The following TENM3 variants were observed in gnomAD, a reference collection of about 807,000 sequenced individuals.
TENM3 encodes the protein teneurin-3.
A neutral mutation model predicts 255.1 loss-of-function variants in TENM3; 63 were observed. That is an observed-to-expected ratio of 0.25 (90% CI 0.20 to 0.30). The LOEUF (loss-of-function observed/expected upper bound fraction) is 0.30, where lower values mean the gene tolerates loss of function less well. Among genes scored for constraint, TENM3 ranks in the 10% least tolerant of loss-of-function variants. The pLI is 1.00. For missense variants in TENM3, 2,929 were observed against 3,461.1 expected (o/e 0.85, Z 3.86); for synonymous variants, 1,306 against 1,322.3 (o/e 0.99, Z 0.27).
chr4:181,889,735 T>C, the TENM3 span, among the ~76,000 whole-genome samples: 18 of 152,312 alleles, frequency 1.2e-4, no homozygotes, highest in South Asian at 1.4e-3. Context: ...TATTTTCTGG[T>C]TGCATTTTGG....
the TENM3 span, among the ~76,000 whole-genome samples, chr4:181,821,283 AGTGCCGCT>A: frequency 5.3e-5 from 8 of 152,294 alleles, no homozygotes; most frequent in African/African-American, 1.9e-4. Flanking sequence ...GCATAGCTGA[AGTGCCGCT>A]TGCTCCAAAA....
the TENM3 span, among the ~76,000 whole-genome samples, chr4:182,093,859 G>T: frequency 6.6e-6 from 1 of 152,144 alleles, no homozygotes; most frequent in Non-Finnish European, 1.5e-5. Flanking sequence ...AACCATGAAA[G>T]ATTTCAATTT....
the TENM3 span, among the ~76,000 whole-genome samples, chr4:181,904,976 A>T: frequency 6.6e-6 from 1 of 152,146 alleles, no homozygotes; most frequent in African/African-American, 2.4e-5. Context: ...GCTGCCATCC[A>T]TGTAAGATGT....
intron 3 of TENM3, among the ~76,000 whole-genome samples, chr4:182,562,003 GA>G (rs1262862037): frequency 2.6e-5 from 4 of 151,574 alleles, no homozygotes; most frequent in Non-Finnish European, 5.9e-5. Flanking sequence ...TAGATAGATA[GA>G]TAGATAGATA....
the TENM3 span, among the ~76,000 whole-genome samples, chr4:181,799,279 G>A: frequency 6.6e-6 from 1 of 152,206 alleles, no homozygotes; most frequent in African/African-American, 2.4e-5. Context: ...AATACATGTT[G>A]CCATTTTCAG....
At chr4:181,980,922 A>C in the TENM3 span, among the ~76,000 whole-genome samples, 1 of 152,160 alleles carries the variant, frequency 6.6e-6, no homozygotes, top group African/African-American at 2.4e-5. Flanking sequence ...CTAATGGACT[A>C]AGCATTAGAT....
the TENM3 span, among the ~76,000 whole-genome samples, chr4:181,660,435 C>T: frequency 6.6e-6 from 1 of 151,996 alleles, no homozygotes; most frequent in Admixed American, 6.6e-5. Context: ...AAGCAATTAC[C>T]ACTGAGAGCT....
intron 14 of TENM3, among the ~76,000 whole-genome samples, chr4:182,729,574 G>A (rs1335448513): frequency 1.3e-5 from 2 of 152,068 alleles, no homozygotes; most frequent in African/African-American, 4.8e-5. Context: ...TGGAACTGCT[G>A]ACGGCATGGC....
At chr4:181,949,147 G>A in the TENM3 span, among the ~76,000 whole-genome samples, 8 of 152,058 alleles carry the variant, frequency 5.3e-5, no homozygotes, top group Non-Finnish European at 1.2e-4. Flanking sequence ...CATTTATGTG[G>A]CCATTAACCC....
chr4:182,241,857 G>T (rs892864424), upstream of TENM3, among the ~76,000 whole-genome samples: 1 of 151,752 alleles, frequency 6.6e-6, no homozygotes, highest in Non-Finnish European at 1.5e-5. Context: ...AGGCTTGACC[G>T]TTCTTTTAAA....
chr4:182,093,035 T>C, the TENM3 span, among the ~76,000 whole-genome samples: 1 of 152,128 alleles, frequency 6.6e-6, no homozygotes, highest in Non-Finnish European at 1.5e-5. Flanking sequence ...CTCACCCTGA[T>C]CTCTTAATGT....
At chr4:181,499,047 G>A in the TENM3 span, among the ~76,000 whole-genome samples, 21 of 152,190 alleles carry the variant, frequency 1.4e-4, no homozygotes, top group Non-Finnish European at 2.6e-4. Flanking sequence ...TGGTTTAACC[G>A]AATTCAGTTT....
intron 1 of TENM3, among the ~76,000 whole-genome samples, chr4:182,229,956 A>G (rs73871889): frequency 0.017 from 2,521 of 152,196 alleles, 71 homozygotes; most frequent in African/African-American, 0.055. Context: ...TATTTAAAGT[A>G]TGTGTATTCA....
At chr4:181,700,896 G>T in the TENM3 span, among the ~76,000 whole-genome samples, 48 of 152,108 alleles carry the variant, frequency 3.2e-4, no homozygotes, top group Non-Finnish European at 1.0e-4. Flanking sequence ...GATGAACTTC[G>T]ATTTCAATTT....
At chr4:182,463,472 C>CT (rs920859225) in intron 3 of TENM3, among the ~76,000 whole-genome samples, 181 of 145,248 alleles carry the variant, frequency 1.2e-3, no homozygotes, top group Middle Eastern at 3.6e-3. Flanking sequence ...TGTAGTATCA[C>CT]TTTTTTTTTT....
the TENM3 span, among the ~76,000 whole-genome samples, chr4:181,590,393 G>T: frequency 6.6e-6 from 1 of 152,144 alleles, no homozygotes; most frequent in Non-Finnish European, 1.5e-5. Context: ...ACTCCTGTCC[G>T]ATTTACCTAC....
At chr4:181,822,972 G>C in the TENM3 span, among the ~76,000 whole-genome samples, 1 of 152,064 alleles carries the variant, frequency 6.6e-6, no homozygotes, top group East Asian at 1.9e-4. Context: ...GTGGCAATGA[G>C]AATACGATCT....
At chr4:181,649,190 A>G in the TENM3 span, among the ~76,000 whole-genome samples, 1 of 152,288 alleles carries the variant, frequency 6.6e-6, no homozygotes, top group East Asian at 1.9e-4. Context: ...TATCTGAATA[A>G]ATGGTTAACT....
chr4:182,713,919 G>A (rs1758946481), intron 12 of TENM3, among the ~76,000 whole-genome samples, 168 bp from the exon 13 acceptor site: 1 of 152,184 alleles, frequency 6.6e-6, no homozygotes, highest in African/African-American at 2.4e-5. Context: ...ATGCCACTTG[G>A]ATAAGAATTA....
Sources: allele counts gnomAD v4.1 joint callset (sites outside exome capture counted in the v4.1 genomes callset), GRCh38; gene constraint gnomAD v4.1.1; transcripts MANE v1.5; gene names NCBI Gene and HGNC (gene_info 2026-07-23, HGNC 2026-07-21).